The following DPP6 variants were observed in gnomAD, a reference collection of about 807,000 sequenced individuals.
The protein encoded by DPP6 is A-type potassium channel modulatory protein DPP6.
Under a neutral mutation model 122.6 loss-of-function variants are expected in DPP6, and 69 were observed. The ratio of observed to expected loss-of-function variants is 0.56; its 90% CI spans 0.46 to 0.69. The LOEUF (loss-of-function observed/expected upper bound fraction) is 0.69. Among genes scored for constraint, DPP6 ranks in the 30% least tolerant of loss-of-function variants. DPP6 has a pLI of 0.00. For synonymous variants in DPP6, 418 were observed against 433.1 expected (o/e 0.97, Z 0.43); for missense variants, 928 against 1,116.9 (o/e 0.83, Z 2.41).
intron 1 of DPP6, among the ~76,000 whole-genome samples, chr7:154,344,507 A>T (rs1428155984): frequency 1.3e-5 from 2 of 152,132 alleles, no homozygotes; most frequent in African/African-American, 4.8e-5. Flanking sequence ...AGTAGTATGG[A>T]GGTTCCTTAA....
intron 1 of DPP6, among the ~76,000 whole-genome samples, chr7:153,895,134 T>C (rs1799352815): frequency 6.6e-6 from 1 of 152,222 alleles, no homozygotes; most frequent in African/African-American, 2.4e-5. Context: ...CTTTCCTTTT[T>C]CTTCACGCCC....
chr7:154,060,747 T>A (rs1295185833), intron 1 of DPP6, among the ~76,000 whole-genome samples: 1 of 138,216 alleles, frequency 7.2e-6, no homozygotes, highest in African/African-American at 2.8e-5. Flanking sequence ...AGGCAGGGAC[T>A]GAGAGCCAGT....
intron 8 of DPP6, among the ~76,000 whole-genome samples, chr7:154,738,553 G>C (rs145051178): frequency 6.6e-6 from 1 of 152,168 alleles, no homozygotes; most frequent in Non-Finnish European, 1.5e-5. Context: ...ATATTCTTCC[G>C]ACCTTTCTTA....
chr7:154,623,910 A>G (rs1834897147), intron 5 of DPP6, among the ~76,000 whole-genome samples: 1 of 152,248 alleles, frequency 6.6e-6, no homozygotes, highest in Admixed American at 6.5e-5. Flanking sequence ...GTTTATTTCA[A>G]AACTATATAG....
intron 1 of DPP6, among the ~76,000 whole-genome samples, chr7:154,031,481 C>A (rs1195750598): frequency 2.6e-5 from 4 of 151,780 alleles, no homozygotes; most frequent in African/African-American, 9.7e-5. Flanking sequence ...TTTGGCATTA[C>A]CTGTGACTAA....
intron 16 of DPP6, among the ~76,000 whole-genome samples, chr7:154,809,436 T>C (rs968338321): frequency 3.3e-5 from 5 of 152,164 alleles, no homozygotes; most frequent in Non-Finnish European, 5.9e-5. Flanking sequence ...GTAGTCACTC[T>C]TCAGCCATGA....
rs1195433955 is a variant in DPP6, at chr7:154,893,028, C to T, written c.*548C>T. On this transcript the variant is annotated 3_prime_UTR_variant, in exon 26 of 26. Coordinates refer to ENST00000377770, the MANE Select transcript of DPP6 (RefSeq NM_130797.4). ...TGAGGGGCTACAAGAAAACGCTTTT[C>T]TGTACAGAGTCTTACTGTAGCTACG... The T allele has an allele frequency of 4.1e-6, 2 of 489,844 alleles. No homozygotes were observed. Among genetic ancestry groups the T allele is most frequent in the East Asian group, 5.5e-5 (1 of 18,058 alleles). 30.3% of individuals were successfully genotyped at this position (489,844 alleles called of 1,614,324 possible). A position where few individuals can be genotyped will look rare whatever the true frequency, so the allele number is the denominator to read the frequency against.
At chr7:154,422,529 G>A (rs186084479) in intron 1 of DPP6, among the ~76,000 whole-genome samples, 1 of 152,172 alleles carries the variant, frequency 6.6e-6, no homozygotes, top group East Asian at 1.9e-4. Flanking sequence ...CACAATTTTC[G>A]CTAGTTAATG....
At chr7:153,944,528 C>T (rs188317790) in intron 1 of DPP6, among the ~76,000 whole-genome samples, 279 of 152,220 alleles carry the variant, frequency 1.8e-3, no homozygotes, top group Non-Finnish European at 3.3e-3. Flanking sequence ...GAGGGATAGC[C>T]AGTCTTGCTG....
At chr7:154,650,242 A>T (rs969261447) in intron 6 of DPP6, among the ~76,000 whole-genome samples, 1 of 151,914 alleles carries the variant, frequency 6.6e-6, no homozygotes, top group Non-Finnish European at 1.5e-5. Context: ...GGAGAATCGC[A>T]TGAGCCCAGG....
intron 1 of DPP6, among the ~76,000 whole-genome samples, chr7:154,156,589 G>A (rs1408875431): frequency 6.6e-6 from 1 of 152,158 alleles, no homozygotes; most frequent in African/African-American, 2.4e-5. Flanking sequence ...AATCTTCATA[G>A]AAAGTAAATT....
intron 1 of DPP6, among the ~76,000 whole-genome samples, chr7:154,014,329 C>T (rs1291258677): frequency 5.6e-5 from 8 of 142,974 alleles, no homozygotes; most frequent in Admixed American, 5.6e-4. Context: ...TTATCTGTGA[C>T]CATGAATAAG....
At chr7:154,369,470 G>A (rs1216101522) in intron 1 of DPP6, among the ~76,000 whole-genome samples, 1 of 152,058 alleles carries the variant, frequency 6.6e-6, no homozygotes, top group African/African-American at 2.4e-5. Flanking sequence ...CTGGGTTCAA[G>A]CGATTCTCCA....
the DPP6 span, among the ~76,000 whole-genome samples, chr7:153,876,851 C>A: frequency 1.3e-5 from 2 of 151,900 alleles, no homozygotes; most frequent in Non-Finnish European, 2.9e-5. Flanking sequence ...TTTACTGTAC[C>A]TTTTCTATGT....
intron 5 of DPP6, among the ~76,000 whole-genome samples, chr7:154,572,682 A>ATT (rs1563874140): frequency 1.6e-3 from 140 of 89,134 alleles, no homozygotes; most frequent in Admixed American, 3.5e-3. Context: ...ACACATGGCT[A>ATT]ATTTTTTTTT....
chr7:154,623,305 C>T (rs1347118984), intron 5 of DPP6, among the ~76,000 whole-genome samples: 1 of 152,174 alleles, frequency 6.6e-6, no homozygotes, highest in East Asian at 1.9e-4. Flanking sequence ...CTCTTTATAT[C>T]TGTGGAACTT....
chr7:154,120,486 C>T (rs1308836679), intron 1 of DPP6, among the ~76,000 whole-genome samples: 8 of 152,062 alleles, frequency 5.3e-5, no homozygotes, highest in East Asian at 1.9e-4. Flanking sequence ...CCTCGTGATC[C>T]GCCCGCCTCA....
intron 1 of DPP6, among the ~76,000 whole-genome samples, chr7:154,385,060 T>C (rs562359405): frequency 5.8e-4 from 88 of 152,226 alleles, no homozygotes; most frequent in African/African-American, 2.0e-3. Flanking sequence ...AAGCTCTGCC[T>C]CCCAGGTTCA....
chr7:154,717,005 G>T (rs1206860091), intron 7 of DPP6, among the ~76,000 whole-genome samples: 1 of 152,052 alleles, frequency 6.6e-6, no homozygotes, highest in South Asian at 2.1e-4. Context: ...AGCTAATTTT[G>T]TATTTTTAGT....
Sources: gnomAD v4.1 joint callset for allele counts (sites outside exome capture counted in the v4.1 genomes callset) on GRCh38, gnomAD v4.1.1 for gene constraint, MANE v1.5 for transcripts, NCBI Gene and HGNC (gene_info 2026-07-23, HGNC 2026-07-21) for gene names.